The following ARL15 variants were observed in gnomAD, a reference collection of about 807,000 sequenced individuals.
The protein encoded by ARL15 is ADP-ribosylation factor-like protein 15.
ARL15 carries 19 observed loss-of-function variants against 25.2 expected under a neutral mutation model. The ratio of observed to expected loss-of-function variants is 0.75; its 90% confidence interval spans 0.53 to 1.10. The LOEUF (loss-of-function observed/expected upper bound fraction) is 1.10, where lower values mean the gene tolerates loss of function less well. ARL15 is among the 50% of genes least tolerant of loss of function. The probability of loss-of-function intolerance (pLI) is 0.00; values close to 1 mark genes in which losing one functional copy is unlikely to be tolerated. For synonymous variants in ARL15, 94 were observed against 86.8 expected (o/e 1.08, Z -0.46); for missense variants, 220 against 246.0 (o/e 0.89, Z 0.71).
intron 2 of ARL15, among the ~76,000 whole-genome samples, chr5:54,155,445 G>A (rs1162408757): frequency 6.6e-6 from 1 of 151,970 alleles, no homozygotes; most frequent in Non-Finnish European, 1.5e-5. Context: ...TTATGTTAGT[G>A]TCTTCTTTAA....
chr5:54,102,658 G>A (rs2112182803), intron 4 of ARL15, among the ~76,000 whole-genome samples: 1 of 152,130 alleles, frequency 6.6e-6, no homozygotes, highest in East Asian at 1.9e-4. Context: ...TCTTCAACCA[G>A]CTGTTCTCTA....
chr5:53,926,949 T>TTA (rs1483498082), intron 4 of ARL15, among the ~76,000 whole-genome samples: 1 of 136,134 alleles, frequency 7.3e-6, no homozygotes, highest in Non-Finnish European at 1.6e-5. Context: ...CCTTTTTTTT[T>TTA]AAAAAAAAAA....
chr5:54,197,810 T>C (rs992427457), intron 1 of ARL15, among the ~76,000 whole-genome samples: 1 of 152,066 alleles, frequency 6.6e-6, no homozygotes, highest in Non-Finnish European at 1.5e-5. Context: ...GCCAGCATCA[T>C]CCTGATACCA....
chr5:54,264,321 C>T (rs58805750), intron 1 of ARL15, among the ~76,000 whole-genome samples: 2,702 of 152,202 alleles, frequency 0.018, 75 homozygotes, highest in African/African-American at 0.063. Context: ...CACTTGTCAC[C>T]TCTCCCCTTA....
rs372624546 is a variant in ARL15, at chr5:54,068,263, G to C, written c.462+44939C>G. ...CTGTGAATTAAGACAAAACAAAGCA[G>C]AACAAAGAAGTTTTAGAAGCTAAGT... On this transcript the variant is annotated intron_variant, in intron 4 of 4. Transcript: ENST00000504924. Among the ~76,000 whole-genome samples, 6 of 152,260 alleles carry C rather than the reference G, an allele frequency of 3.9e-5. No homozygotes were observed. In the East Asian group the frequency reaches 9.7e-4, roughly 25 times the overall value.
chr5:53,995,093 G>A (rs1287504345), intron 4 of ARL15, among the ~76,000 whole-genome samples: 3 of 151,972 alleles, frequency 2.0e-5, no homozygotes, highest in Admixed American at 1.3e-4. Flanking sequence ...GGCAGATCAC[G>A]AGGTCAGGAA....
chr5:54,279,337 C>G (rs1757997827), intron 1 of ARL15, among the ~76,000 whole-genome samples: 1 of 151,550 alleles, frequency 6.6e-6, no homozygotes, highest in African/African-American at 2.4e-5. Flanking sequence ...AATTTATTTT[C>G]TCACAGGTCT....
At chr5:53,991,712 A>C (rs1748504607) in intron 4 of ARL15, among the ~76,000 whole-genome samples, 1 of 152,108 alleles carries the variant, frequency 6.6e-6, no homozygotes, top group Non-Finnish European at 1.5e-5. Context: ...CAAGACACCA[A>C]GTTAACTTTC....
chr5:54,236,314 C>A (rs186983036), intron 1 of ARL15, among the ~76,000 whole-genome samples: 161 of 151,950 alleles, frequency 1.1e-3, no homozygotes, highest in Middle Eastern at 3.4e-3. Flanking sequence ...CTAGCCTCAG[C>A]CATACAGCCT....
intron 1 of ARL15, among the ~76,000 whole-genome samples, chr5:54,238,268 G>C (rs1756863010): frequency 6.6e-6 from 1 of 152,126 alleles, no homozygotes. Context: ...TTGACCCTTT[G>C]TGCCCTGGAA....
At chr5:54,142,858 T>A (rs555994097) in intron 3 of ARL15, among the ~76,000 whole-genome samples, 1 of 152,212 alleles carries the variant, frequency 6.6e-6, no homozygotes, top group East Asian at 1.9e-4. Flanking sequence ...AAAGATTGTC[T>A]TATATGTTTT....
At chr5:54,282,575 A>C (rs776388927) in intron 1 of ARL15, 8 of 983,050 alleles carry the variant, frequency 8.1e-6, no homozygotes, top group Non-Finnish European at 9.7e-6. Context: ...ATACAAGAGC[A>C]TCATTTAAGG....
intron 1 of ARL15, among the ~76,000 whole-genome samples, chr5:54,175,656 CTCTT>C (rs1754848802): frequency 6.8e-6 from 1 of 147,478 alleles, no homozygotes; most frequent in African/African-American, 2.5e-5. Context: ...TTCTTTTTCT[CTCTT>C]TTTTTTTTTT....
At chr5:53,886,769 A>C in intron 4 of ARL15, 56 bp from the exon 5 acceptor site, 1 of 1,459,896 alleles carries the variant, frequency 6.8e-7, no homozygotes, top group Non-Finnish European at 9.1e-7. Flanking sequence ...AAACTTTCTC[A>C]TATCAAAATT....
intron 1 of ARL15, among the ~76,000 whole-genome samples, chr5:54,224,219 C>T (rs988442738): frequency 1.1e-4 from 16 of 152,086 alleles, no homozygotes; most frequent in Non-Finnish European, 5.9e-5. Flanking sequence ...GCAGTGGGAA[C>T]GCATTGTGGT....
intron 4 of ARL15, among the ~76,000 whole-genome samples, chr5:54,106,353 T>C (rs917769164): frequency 9.2e-5 from 14 of 152,102 alleles, no homozygotes; most frequent in Non-Finnish European, 1.6e-4. Context: ...GAAATCTGGA[T>C]AAAGTTGATG....
chr5:54,015,334 C>A (rs1282930482), intron 4 of ARL15, among the ~76,000 whole-genome samples: 3 of 150,308 alleles, frequency 2.0e-5, no homozygotes, highest in East Asian at 1.9e-4. Flanking sequence ...AACAAACAAA[C>A]AAAAAAACAC....
chr5:54,276,613 T>C (rs1757937044), intron 1 of ARL15, among the ~76,000 whole-genome samples: 2 of 152,206 alleles, frequency 1.3e-5, no homozygotes, highest in African/African-American at 4.8e-5. Flanking sequence ...AACACGTTCA[T>C]TTCCTAATCC....
At chr5:54,050,521 T>C (rs1351999650) in intron 4 of ARL15, among the ~76,000 whole-genome samples, 3 of 152,206 alleles carry the variant, frequency 2.0e-5, no homozygotes, top group African/African-American at 7.2e-5. Context: ...AATGTTTGAC[T>C]TTCTCTTCAG....
Sources: allele counts gnomAD v4.1 joint callset (sites outside exome capture counted in the v4.1 genomes callset), GRCh38; gene constraint gnomAD v4.1.1; transcripts MANE v1.5; gene names NCBI Gene and HGNC (gene_info 2026-07-23, HGNC 2026-07-21).